The following BCS1L variants were observed in gnomAD, a reference collection of about 807,000 sequenced individuals.
The protein encoded by BCS1L is BCS1 ubiquinol-cytochrome c reductase complex chaperone, also known as mitochondrial chaperone BCS1.
In BCS1L, 38 loss-of-function variants were observed where a neutral mutation model predicts 49.3. The ratio of observed to expected loss-of-function variants is 0.77; its 90% CI spans 0.59 to 1.01. The LOEUF (loss-of-function observed/expected upper bound fraction) is 1.01. Among genes scored for constraint, BCS1L ranks in the 50% least tolerant of loss-of-function variants. The probability of loss-of-function intolerance (pLI) is 0.00; values close to 1 mark genes in which losing one functional copy is unlikely to be tolerated. For synonymous variants in BCS1L, 193 were observed against 210.1 expected (o/e 0.92, Z 0.70); for missense variants, 394 against 540.2 (o/e 0.73, Z 2.68).
In BCS1L at chr2:218,662,645, T is replaced by C. The variant is rs1242901670; in HGVS notation, c.855T>C (p.Asp285=). The C allele has an allele frequency of 1.9e-6, 3 of 1,614,042 alleles. No individual in the cohort carries two copies. The African/African-American group carries it at 4.0e-5, about 22-fold the overall frequency. ...GCCTGGTACTCCTGGAGGATGTGGA[T>C]GCTGCTTTTCTCAGTCGAGACTTGG... ...QQSLVLLEDV[D]AAFLSRDLAV... Residue 285 remains aspartate (D), a synonymous_variant, in exon 6 of 8, where the codon GAT becomes GAC. Transcript: ENST00000359273. The surrounding 1 kb of genome is among the most constrained non-coding windows in gnomAD (Gnocchi z 5.8).
intron 7 of BCS1L, 52 bp from the exon 8 acceptor site, chr2:218,663,082 G>A: frequency 6.2e-7 from 1 of 1,614,132 alleles, no homozygotes; most frequent in South Asian, 1.1e-5. Context: ...GGAGGTCGAG[G>A]GGCCATCTCT....
chr2:218,662,374 A>G lies in BCS1L; in HGVS notation c.719+114A>G. The G allele has an allele frequency of 6.7e-7, 1 of 1,483,300 alleles. No individual in the cohort carries two copies. Among genetic ancestry groups the G allele is most frequent in the South Asian group, 1.1e-5 (1 of 88,124 alleles). 91.9% of individuals were successfully genotyped at this position (1,483,300 alleles called of 1,614,324 possible). ...GGGATCGGGGACCAGGATAAACATG[A>G]AACGTGTGGAACATCAGGGTGTGAG... On this transcript the variant is annotated intron_variant, in intron 5 of 7. Transcript: ENST00000359273. The surrounding 1 kb of genome is among the most constrained non-coding windows in gnomAD (Gnocchi z 5.8).
rs1939376635 is a variant in BCS1L at position 218,661,236 on chromosome 2, C to T, written c.249C>T (p.Tyr83=). 6.2e-7 allele frequency: 1 copy of T among 1,614,098 alleles called. No homozygotes were observed. Among genetic ancestry groups the T allele is most frequent in the South Asian group, 1.1e-5 (1 of 91,080 alleles). The part of the protein sequence containing the change: ...RTQHLSVETS[Y]LQHESGRIST... ...AGCACCTCAGTGTCGAGACTTCGTACCTTCAGCATGAGAGTGGCCGCATTT... is the reference window on the plus strand; with the variant it reads ...AGCACCTCAGTGTCGAGACTTCGTATCTTCAGCATGAGAGTGGCCGCATTT... Residue 83 remains tyrosine, a synonymous_variant, in exon 2 of 8, where the codon TAC becomes TAT. Coordinates refer to ENST00000359273, the MANE Select transcript of BCS1L (RefSeq NM_001079866.2). The surrounding 1 kb of genome is among the most constrained non-coding windows in gnomAD (Gnocchi z 5.9).
Position 218,662,253 on chromosome 2 carries a change from A to C in BCS1L, c.712A>C (p.Ser238Arg). Residue 238 changes from serine to arginine, a missense_variant, in exon 5 of 8, where the codon AGT (serine) becomes CGT (arginine). Physicochemically the swap from Ser to Arg is moderately radical, Grantham distance 110 (BLOSUM62 -1). Coordinates refer to ENST00000359273, the MANE Select transcript of BCS1L (RefSeq NM_001079866.2). This position sits in a 1 kb window ranked among gnomAD's most constrained non-coding sequence, Gnocchi z 5.8. Reference sequence around the variant, plus strand: ...TGGGCCCCCTGGTTGCGGAAAGAGCAGTTTTATGTGAGTATTCAAAATTTC... The same window carrying C: ...TGGGCCCCCTGGTTGCGGAAAGAGCCGTTTTATGTGAGTATTCAAAATTTC... ...LYGPPGCGKS[S>R]FITALAGELE... 3 of 1,613,984 alleles carry C rather than the reference A, an allele frequency of 1.9e-6. No homozygotes were observed. The highest frequency in any genetic ancestry group is 1.7e-6 in the Non-Finnish European group (2 of 1,179,846).
At position 218,662,004 on chromosome 2, in the gene BCS1L, G is replaced by C. The variant is rs374571860; in HGVS notation, c.655+51G>C. On this transcript the variant is annotated intron_variant, in intron 4 of 7. Coordinates refer to ENST00000359273, the MANE Select transcript of BCS1L (RefSeq NM_001079866.2). The surrounding 1 kb of genome is among the most constrained non-coding windows in gnomAD (Gnocchi z 5.8). ...GTGCTGTTTTTGACATTTTTAGAAGGGACAGGTTGGTCTCCAGCCAGATGG... is the reference window on the plus strand; with the variant it reads ...GTGCTGTTTTTGACATTTTTAGAAGCGACAGGTTGGTCTCCAGCCAGATGG... 4.4e-6 allele frequency: 7 copies of C among 1,588,896 alleles called. No individual in the cohort carries two copies. The African/African-American group carries it at 5.4e-5, about 12-fold the overall frequency.
chr2:218,660,788 C>G (rs1349410378), intron 1 of BCS1L, 151 bp from the exon 2 acceptor site: 7 of 605,138 alleles, frequency 1.2e-5, no homozygotes, highest in East Asian at 1.1e-4. Flanking sequence ...GGATGAGGGA[C>G]CTGGAGCCTC....
Position 218,661,255 on chromosome 2 carries a change from C to G in BCS1L, c.268C>G (p.Arg90Gly). 1.2e-6 allele frequency: 2 copies of G among 1,614,196 alleles called. No homozygotes were observed. The highest frequency in any genetic ancestry group is 1.7e-5 in the Admixed American group (1 of 60,018). The change falls in exon 2 of 8, where the codon CGC becomes GGC. Residue 90 changes from arginine to glycine, a missense_variant. Coordinates refer to ENST00000359273, the MANE Select transcript of BCS1L (RefSeq NM_001079866.2). This position sits in a 1 kb window ranked among gnomAD's most constrained non-coding sequence, Gnocchi z 5.9. Reference sequence around the variant, plus strand: ...TTCGTACCTTCAGCATGAGAGTGGCCGCATTTCCACTAAGTTTGAATTTGT... The same window carrying G: ...TTCGTACCTTCAGCATGAGAGTGGCGGCATTTCCACTAAGTTTGAATTTGT... ...ETSYLQHESG[R>G]ISTKFEFVPS...
chr2:218,660,018 C>T (rs567040894), intron 1 of BCS1L: 1 of 152,328 alleles, frequency 6.6e-6, no homozygotes, highest in East Asian at 1.9e-4. Context: ...CTAGAAACAA[C>T]TTTGCTCTTG....
rs373671954 is a variant in BCS1L, at chr2:218,663,129, C to A, written c.1008-5C>A. 27 of 1,614,096 alleles carry A rather than the reference C, an allele frequency of 1.7e-5. No individual in the cohort carries two copies. The highest frequency in any genetic ancestry group is 1.6e-4 in the Middle Eastern group (1 of 6,084). On this transcript the variant is annotated splice_polypyrimidine_tract_variant and splice_region_variant and intron_variant, in intron 7 of 7. Transcript: ENST00000359273. ...GTGTGACCTGCTTTCCCTGTCTTCT[C>A]TCAGGCTGGACCCTGCCCTGATACG...
In BCS1L at chr2:218,661,442, A is replaced by G; in HGVS notation, c.357A>G (p.Arg119=). The G allele has an allele frequency of 6.2e-7, 1 of 1,614,218 alleles. No individual in the cohort carries two copies. Among genetic ancestry groups the G allele is most frequent in the Non-Finnish European group, 8.5e-7 (1 of 1,180,032 alleles). Residue 119 remains arginine, a synonymous_variant, in exon 3 of 8, where the codon CGA becomes CGG. Coordinates refer to ENST00000359273, the MANE Select transcript of BCS1L (RefSeq NM_001079866.2). The surrounding 1 kb of genome is among the most constrained non-coding windows in gnomAD (Gnocchi z 5.9). ...AATGGATTCGGGTAGAACGAAGTCG[A>G]GAGATGCAGATGATAGACTTGCAGA... ...RGKWIRVERS[R]EMQMIDLQTG...
At position 218,662,630 on chromosome 2, in the gene BCS1L, C is replaced by G; in HGVS notation, c.840C>G (p.Leu280=). ...LSVAPQQSLV[L]LEDVDAAFLS... Reference sequence around the variant, plus strand: ...TGGCCCCGCAGCAGAGCCTGGTACTCCTGGAGGATGTGGATGCTGCTTTTC... The same window carrying G: ...TGGCCCCGCAGCAGAGCCTGGTACTGCTGGAGGATGTGGATGCTGCTTTTC... The change falls in exon 6 of 8, where the codon CTC becomes CTG. Residue 280 remains leucine, a synonymous_variant. Coordinates refer to ENST00000359273, the MANE Select transcript of BCS1L (RefSeq NM_001079866.2). The surrounding 1 kb of genome is among the most constrained non-coding windows in gnomAD (Gnocchi z 5.8). The G allele has an allele frequency of 6.2e-7, 1 of 1,614,182 alleles. No individual in the cohort carries two copies. Among genetic ancestry groups the G allele is most frequent in the East Asian group, 2.2e-5 (1 of 44,888 alleles).
At position 218,661,434 on chromosome 2, in the gene BCS1L, C is replaced by T. The variant is rs777735526; in HGVS notation, c.349C>T (p.Arg117Ter). 6 of 1,614,162 alleles carry T rather than the reference C, an allele frequency of 3.7e-6. No individual in the cohort carries two copies. The highest frequency in any genetic ancestry group is 3.3e-4 in the Middle Eastern group (2 of 6,062). Residue 117 changes from arginine (R) to a stop codon, truncating the protein, a stop_gained, in exon 3 of 8, where the codon CGA becomes TGA. Transcript: ENST00000359273. LOFTEE classifies it high-confidence loss of function. This position sits in a 1 kb window ranked among gnomAD's most constrained non-coding sequence, Gnocchi z 5.9. ...WYRGKWIRVE[R>*]SREMQMIDLQ... is the part of the protein sequence containing the mutation. ...TCGGGGGAAATGGATTCGGGTAGAA[C>T]GAAGTCGAGAGATGCAGATGATAGA...
chr2:218,660,941 T>A lies in BCS1L; in HGVS notation c.-47T>A. The stretch of plus-strand genomic sequence containing the variant: ...TCTCCACTGTTCCCCACCCCTAGGT[T>A]TTCGTAACACCCCAGGGCCTGTAAG... On this transcript the variant is annotated splice_region_variant and 5_prime_UTR_variant, in exon 2 of 8. Coordinates refer to ENST00000359273, the MANE Select transcript of BCS1L (RefSeq NM_001079866.2). The A allele has an allele frequency of 6.2e-7, 1 of 1,605,928 alleles. No individual in the cohort carries two copies. Among genetic ancestry groups the A allele is most frequent in the Non-Finnish European group, 8.5e-7 (1 of 1,175,450 alleles).
Position 218,660,826 on chromosome 2 carries a change from C to T in BCS1L, c.-49-113C>T, listed in dbSNP as rs112796157. On this transcript the variant is annotated intron_variant, in intron 1 of 7. Transcript: ENST00000359273. ...CCCTTGCATTCCAATACCACCCTTACCCCACAAAAGGAGGGTATTGACCCA... is the reference window on the plus strand; with the variant it reads ...CCCTTGCATTCCAATACCACCCTTATCCCACAAAAGGAGGGTATTGACCCA... The T allele has an allele frequency of 4.0e-4, 290 of 725,868 alleles. 1 individual carries two copies. The African/African-American group carries it at 4.6e-3, about 11-fold the overall frequency. 45.0% of individuals were successfully genotyped at this position (725,868 alleles called of 1,614,324 possible). A position where few individuals can be genotyped will look rare whatever the true frequency, so the allele number is the denominator to read the frequency against.
Position 218,662,760 on chromosome 2 carries a change from A to G in BCS1L, c.889+81A>G, listed in dbSNP as rs2106330152. 3.1e-6 allele frequency: 5 copies of G among 1,608,358 alleles called. No homozygotes were observed. Among genetic ancestry groups the G allele is most frequent in the East Asian group, 2.2e-5 (1 of 44,852 alleles). ...AGCAGAAATCCAGAGGGCTGGTGGA[A>G]GATGCCTGGGTTAGTGACAAGAGCC... is the stretch of plus-strand genomic sequence containing the variant. On this transcript the variant is annotated intron_variant, in intron 6 of 7. Coordinates refer to ENST00000359273, the MANE Select transcript of BCS1L (RefSeq NM_001079866.2). The surrounding 1 kb of genome is among the most constrained non-coding windows in gnomAD (Gnocchi z 5.8).
At position 218,662,684 on chromosome 2, in the gene BCS1L, G is replaced by C; in HGVS notation, c.889+5G>C. 6.2e-7 allele frequency: 1 copy of C among 1,614,132 alleles called. No homozygotes were observed. The highest frequency in any genetic ancestry group is 2.2e-5 in the East Asian group (1 of 44,884). ...GTCGAGACTTGGCTGTGGAGAGTAAGTGAGGGGTTCTGGAGGAAGTGGAGT... is the reference window on the plus strand; with the variant it reads ...GTCGAGACTTGGCTGTGGAGAGTAACTGAGGGGTTCTGGAGGAAGTGGAGT... On this transcript the variant is annotated splice_donor_5th_base_variant and intron_variant, in intron 6 of 7. Coordinates refer to ENST00000359273, the MANE Select transcript of BCS1L (RefSeq NM_001079866.2). The surrounding 1 kb of genome is among the most constrained non-coding windows in gnomAD (Gnocchi z 5.8).
Position 218,659,714 on chromosome 2 carries a change from A to C in BCS1L, c.-79A>C, listed in dbSNP as rs1055327948. On this transcript the variant is annotated 5_prime_UTR_variant, in exon 1 of 8. Coordinates refer to ENST00000359273, the MANE Select transcript of BCS1L (RefSeq NM_001079866.2). The surrounding 1 kb of genome is among the most constrained non-coding windows in gnomAD (Gnocchi z 4.4). ...CCCAAGGTGCAGGCGCGGTGAAACC[A>C]TCGAGACGGAGGGCCAGAGAGTCAC... 6.6e-6 allele frequency: 1 copy of C among 152,318 alleles called. No homozygotes were observed. 9.4% of individuals were successfully genotyped at this position (152,318 alleles called of 1,614,324 possible).
chr2:218,661,325 G>C lies in BCS1L; in HGVS notation c.320+18G>C. 6.2e-7 allele frequency: 1 copy of C among 1,614,192 alleles called. No individual in the cohort carries two copies. The highest frequency in any genetic ancestry group is 8.5e-7 in the Non-Finnish European group (1 of 1,180,038). On this transcript the variant is annotated intron_variant, in intron 2 of 7. Coordinates refer to ENST00000359273, the MANE Select transcript of BCS1L (RefSeq NM_001079866.2). The surrounding 1 kb of genome is among the most constrained non-coding windows in gnomAD (Gnocchi z 5.9). ...TTTATCTGGTAAGGTGGGGAGCTAG[G>C]GAGGGCTGTGAGAGTAGAAAAGAAT...
rs373812068 is a variant in BCS1L, at chr2:218,663,005, G to A, written c.1007+5G>A. 49 of 1,613,894 alleles carry A rather than the reference G, an allele frequency of 3.0e-5. No individual in the cohort carries two copies. Among genetic ancestry groups the A allele is most frequent in the East Asian group, 2.9e-4 (13 of 44,884 alleles). ...GACCACCAACCACGTTGACAGGTAG[G>A]AAGGAGCCAGGCATCCTGAGACTTA... On this transcript the variant is annotated splice_donor_5th_base_variant and intron_variant, in intron 7 of 7. Coordinates refer to ENST00000359273, the MANE Select transcript of BCS1L (RefSeq NM_001079866.2).
Sources: allele counts gnomAD v4.1 joint callset, GRCh38; gene constraint gnomAD v4.1.1; non-coding constraint Gnocchi (gnomAD v3.1); transcripts MANE v1.5; gene names NCBI Gene and HGNC (gene_info 2026-07-23, HGNC 2026-07-21).